The following MAPK10 variants were observed in gnomAD, a reference collection of about 807,000 sequenced individuals.
MAPK10 encodes the protein JNK3 alpha protein kinase.
In MAPK10, 25 loss-of-function variants were observed where a neutral mutation model predicts 59.3. That is an observed-to-expected ratio of 0.42 (90% CI 0.31 to 0.59). The LOEUF (loss-of-function observed/expected upper bound fraction) is 0.59, where lower values mean the gene tolerates loss of function less well. MAPK10 is among the 20% of genes least tolerant of loss of function. The pLI, the probability that MAPK10 is intolerant of heterozygous loss-of-function variation, is 0.15. For missense variants in MAPK10, 351 were observed against 568.9 expected, an observed-to-expected ratio of 0.62 and a Z score of 3.90; for synonymous variants, 190 against 200.5, an observed-to-expected ratio of 0.95 and a Z score of 0.44.
intron 1 of MAPK10, among the ~76,000 whole-genome samples, chr4:86,587,187 G>A (rs1339297283): frequency 6.6e-6 from 1 of 152,188 alleles, no homozygotes; most frequent in Non-Finnish European, 1.5e-5. Context: ...GATACTCAAA[G>A]AAGTTAAGTG....
intron 2 of MAPK10, among the ~76,000 whole-genome samples, chr4:86,303,077 G>A (rs2095499206): frequency 6.6e-6 from 1 of 152,106 alleles, no homozygotes; most frequent in South Asian, 2.1e-4. Context: ...AATGCACAAA[G>A]TATGACAGAA....
At chr4:86,395,866 C>A (rs1742844476) in intron 1 of MAPK10, among the ~76,000 whole-genome samples, 1 of 152,160 alleles carries the variant, frequency 6.6e-6, no homozygotes, top group Non-Finnish European at 1.5e-5. Context: ...GGGGCTCCAC[C>A]CTTATGGCCT....
chr4:86,226,424 C>T (rs2090629046), intron 2 of MAPK10, among the ~76,000 whole-genome samples: 1 of 152,220 alleles, frequency 6.6e-6, no homozygotes, highest in African/African-American at 2.4e-5. Context: ...AAAAACTTAG[C>T]ATATTACCAG....
chr4:86,415,541 C>T (rs1564829258), intron 1 of MAPK10, among the ~76,000 whole-genome samples: 1 of 152,158 alleles, frequency 6.6e-6, no homozygotes, highest in Non-Finnish European at 1.5e-5. Context: ...AGCAAGCAGG[C>T]ATTTTACTTG....
chr4:86,086,157 A>G (rs1206993645), intron 9 of MAPK10, among the ~76,000 whole-genome samples: 14 of 152,160 alleles, frequency 9.2e-5, no homozygotes, highest in Non-Finnish European at 2.1e-4. Flanking sequence ...TATCCTGCAC[A>G]TGTACCCTGG....
At chr4:86,367,691 T>G (rs1376975459) in intron 1 of MAPK10, among the ~76,000 whole-genome samples, 1 of 151,866 alleles carries the variant, frequency 6.6e-6, no homozygotes, top group Admixed American at 6.6e-5. Context: ...TGGTGAAACA[T>G]GTGCAGCTAG....
chr4:86,440,396 AG>A (rs2149047186), intron 1 of MAPK10, among the ~76,000 whole-genome samples: 1 of 152,306 alleles, frequency 6.6e-6, no homozygotes, highest in East Asian at 1.9e-4. Flanking sequence ...GCACTTTGGG[AG>A]GATGAGGCAG....
chr4:86,225,884 C>T (rs1389054832), intron 2 of MAPK10, among the ~76,000 whole-genome samples: 1 of 152,038 alleles, frequency 6.6e-6, no homozygotes, highest in African/African-American at 2.4e-5. Flanking sequence ...GCCTATCTCC[C>T]CTAATAGATA....
At chr4:86,463,484 G>A (rs191645849) in intron 1 of MAPK10, among the ~76,000 whole-genome samples, 43 of 152,272 alleles carry the variant, frequency 2.8e-4, no homozygotes, top group Admixed American at 1.2e-3. Context: ...GATATACTTT[G>A]TGCTGCCTCC....
rs373708718 is a variant in MAPK10 at position 86,276,503 on chromosome 4, A to G, written c.-7+78027T>C. Among the ~76,000 whole-genome samples the G allele has an allele frequency of 1.1e-4, 17 of 152,316 alleles. 1 individual carries two copies. The highest frequency in any genetic ancestry group is 5.9e-4 in the Admixed American group (9 of 15,292). ...TTGCTTCTGACAGAACAGTGCAAAG[A>G]TAGATAAGCAGTCACTGGGAAGATT... is the stretch of plus-strand genomic sequence containing the variant. On this transcript the variant is annotated intron_variant, in intron 2 of 13. Coordinates refer to ENST00000641462, the MANE Select transcript of MAPK10 (RefSeq NM_138982.4).
At chr4:86,125,363 A>G (rs541185521) in intron 4 of MAPK10, 1 of 152,184 alleles carries the variant, frequency 6.6e-6, no homozygotes, top group African/African-American at 2.4e-5. Context: ...GGCAATTCAT[A>G]TAAGTTATAA....
chr4:86,488,671 C>T (rs975402058), intron 1 of MAPK10, among the ~76,000 whole-genome samples: 2 of 152,188 alleles, frequency 1.3e-5, no homozygotes, highest in African/African-American at 4.8e-5. Flanking sequence ...CTTTGCACTA[C>T]ACAATGGCAC....
chr4:86,194,135 T>C (rs2080701955), intron 3 of MAPK10: 1 of 549,022 alleles, frequency 1.8e-6, no homozygotes, highest in South Asian at 2.3e-5. Flanking sequence ...AATGCAGAAA[T>C]CACTCGTCTT....
At chr4:86,094,974 A>G (rs1335551475) in intron 9 of MAPK10, among the ~76,000 whole-genome samples, 1 of 151,922 alleles carries the variant, frequency 6.6e-6, no homozygotes, top group African/African-American at 2.4e-5. Context: ...GTAAAAATAT[A>G]TGCTATGAAA....
At chr4:86,442,628 C>T (rs1395339586) in intron 1 of MAPK10, among the ~76,000 whole-genome samples, 1 of 152,148 alleles carries the variant, frequency 6.6e-6, no homozygotes, top group Non-Finnish European at 1.5e-5. Context: ...TTTGTACTTA[C>T]ACATGTATGT....
chr4:86,166,242 A>G (rs999385482), intron 3 of MAPK10, among the ~76,000 whole-genome samples: 2 of 152,250 alleles, frequency 1.3e-5, no homozygotes, highest in African/African-American at 4.8e-5. Flanking sequence ...GTAAAAATGC[A>G]GCTTCTCATC....
At chr4:86,077,383 G>C (rs1320260576) in intron 9 of MAPK10, among the ~76,000 whole-genome samples, 1 of 152,094 alleles carries the variant, frequency 6.6e-6, no homozygotes, top group African/African-American at 2.4e-5. Flanking sequence ...TATATGAAAA[G>C]GGCAATTTTT....
rs529175231 is a variant in MAPK10 at position 86,378,051 on chromosome 4, C to T, written c.-121-23407G>A. On this transcript the variant is annotated intron_variant, in intron 1 of 13. Coordinates refer to the MAPK10 transcript ENST00000361569. ...ACACTCTCACAGACACACCCAGGATCAATACTTTGTATCCTTCAATCCAAT... is the reference window on the plus strand; with the variant it reads ...ACACTCTCACAGACACACCCAGGATTAATACTTTGTATCCTTCAATCCAAT... 5.3e-5 allele frequency among the ~76,000 whole-genome samples: 8 copies of T among 152,202 alleles called. No homozygotes were observed. The South Asian group carries it at 1.7e-3, about 32-fold the overall frequency.
chr4:86,169,361 G>GT (rs1232685719), intron 3 of MAPK10, among the ~76,000 whole-genome samples: 4 of 152,190 alleles, frequency 2.6e-5, no homozygotes, highest in Non-Finnish European at 5.9e-5. Context: ...ATACAGAGAA[G>GT]TGCTTAAAGG....
Sources: gnomAD v4.1 joint callset for allele counts (sites outside exome capture counted in the v4.1 genomes callset) on GRCh38, gnomAD v4.1.1 for gene constraint, MANE v1.5 for transcripts, NCBI Gene and HGNC (gene_info 2026-07-23, HGNC 2026-07-21) for gene names.